The following BEND6 variants were observed in gnomAD, a reference collection of about 807,000 sequenced individuals.
BEND6 encodes BEN domain-containing protein 6.
Under a neutral mutation model 31.8 loss-of-function variants are expected in BEND6, and 24 were observed. The ratio of observed to expected loss-of-function variants is 0.75; its 90% CI spans 0.55 to 1.06. The LOEUF is 1.06. Among genes scored for constraint, BEND6 ranks in the 50% least tolerant of loss-of-function variants. The pLI, the probability that BEND6 is intolerant of heterozygous loss-of-function variation, is 0.00. For synonymous variants in BEND6, 109 were observed against 114.6 expected (o/e 0.95, Z 0.31); for missense variants, 294 against 327.4 (o/e 0.90, Z 0.79).
At chr6:56,975,669 G>T in intron 1 of BEND6, 1 of 428,016 alleles carries the variant, frequency 2.3e-6, no homozygotes. Flanking sequence ...AAACTCAGTA[G>T]GACACACATG....
At chr6:57,025,227 T>A (rs572674421) in intron 6 of BEND6, among the ~76,000 whole-genome samples, 1 of 152,358 alleles carries the variant, frequency 6.6e-6, no homozygotes, top group South Asian at 2.1e-4. Flanking sequence ...TTTCTTGCTT[T>A]GTCTGTATGA....
At chr6:57,002,735 G>A (rs925277231) in intron 3 of BEND6, among the ~76,000 whole-genome samples, 1 of 151,954 alleles carries the variant, frequency 6.6e-6, no homozygotes, top group Non-Finnish European at 1.5e-5. Context: ...AAAGTTTATA[G>A]TACTAAACAT....
At chr6:57,004,889 A>G (rs906099481) in intron 3 of BEND6, 1 of 599,394 alleles carries the variant, frequency 1.7e-6, no homozygotes, top group African/African-American at 1.8e-5. Context: ...GGCATGTGCC[A>G]GTAGTCCCAG....
intron 4 of BEND6, among the ~76,000 whole-genome samples, chr6:57,015,579 T>A (rs924585008): frequency 5.4e-4 from 81 of 150,928 alleles, no homozygotes; most frequent in Non-Finnish European, 9.6e-4. Context: ...GGCGGGCAGA[T>A]CATGAGGTCA....
intron 1 of BEND6, among the ~76,000 whole-genome samples, chr6:56,979,286 A>G (rs140914054): frequency 7.0e-4 from 106 of 152,336 alleles, no homozygotes; most frequent in African/African-American, 2.3e-3. Context: ...AGAAATTAAT[A>G]TGCTCAACTA....
chr6:56,999,957 G>T (rs1273987089), intron 3 of BEND6, among the ~76,000 whole-genome samples: 8 of 150,588 alleles, frequency 5.3e-5, no homozygotes, highest in Non-Finnish European at 1.2e-4. Context: ...CCGTCTGGGA[G>T]GTGAGGAGCG....
chr6:56,995,524 T>C (rs1826673446), intron 3 of BEND6, among the ~76,000 whole-genome samples: 1 of 152,176 alleles, frequency 6.6e-6, no homozygotes, highest in Admixed American at 6.5e-5. Context: ...GAGTTTGGAA[T>C]TACAAAATCA....
At chr6:56,961,641 CT>C (rs1825289353) in intron 1 of BEND6, among the ~76,000 whole-genome samples, 1 of 152,214 alleles carries the variant, frequency 6.6e-6, no homozygotes, top group Admixed American at 6.5e-5. Flanking sequence ...AAAAGGTAGT[CT>C]TGGGTTCACA....
At chr6:57,013,377 C>T (rs1390552861) in intron 3 of BEND6, among the ~76,000 whole-genome samples, 5 of 152,204 alleles carry the variant, frequency 3.3e-5, no homozygotes, top group African/African-American at 1.2e-4. Context: ...ATGCCCATAG[C>T]ATCTATATGT....
intron 3 of BEND6, among the ~76,000 whole-genome samples, chr6:57,001,338 A>G (rs1314800796): frequency 6.6e-6 from 1 of 151,826 alleles, no homozygotes; most frequent in African/African-American, 2.4e-5. Context: ...CAATTTTTCT[A>G]TTTTTTGAAA....
intron 1 of BEND6, among the ~76,000 whole-genome samples, chr6:56,980,158 C>G (rs1163361318): frequency 6.6e-6 from 1 of 152,132 alleles, no homozygotes; most frequent in African/African-American, 2.4e-5. Context: ...TTTGCCTATG[C>G]CTCTTGATTG....
intron 1 of BEND6, chr6:56,975,600 C>T: frequency 3.0e-6 from 1 of 329,836 alleles, no homozygotes. Context: ...TTCTCGAAAG[C>T]ACTCTAGCCC....
At chr6:57,000,250 A>ATTC in intron 3 of BEND6, among the ~76,000 whole-genome samples, 1 of 152,350 alleles carries the variant, frequency 6.6e-6, no homozygotes, top group African/African-American at 2.4e-5. Flanking sequence ...ACTAAGAAAA[A>ATTC]TTCTGCCTTG....
intron 1 of BEND6, among the ~76,000 whole-genome samples, chr6:56,967,714 A>G (rs1825535920): frequency 1.3e-5 from 2 of 152,214 alleles, no homozygotes; most frequent in African/African-American, 4.8e-5. Context: ...GGGCAAACTT[A>G]GGCAAGGAGG....
intron 3 of BEND6, among the ~76,000 whole-genome samples, chr6:56,999,062 G>A (rs1234475481): frequency 6.6e-6 from 1 of 152,102 alleles, no homozygotes; most frequent in Non-Finnish European, 1.5e-5. Context: ...ACCCAGGCAG[G>A]TGTCCAGGCA....
chr6:57,007,027 C>CGTAA (rs1213271681), intron 3 of BEND6, among the ~76,000 whole-genome samples: 1 of 152,164 alleles, frequency 6.6e-6, no homozygotes, highest in Non-Finnish European at 1.5e-5. Context: ...CGGTGACTTA[C>CGTAA]ACCTGTAATC....
intron 1 of BEND6, among the ~76,000 whole-genome samples, chr6:56,981,422 C>T (rs1294405778): frequency 6.6e-6 from 1 of 152,072 alleles, no homozygotes; most frequent in Admixed American, 6.6e-5. Flanking sequence ...GTTTCGTAGA[C>T]TCCTCATAAT....
chr6:57,018,523 A>G lies in BEND6; in HGVS notation c.815A>G (p.Asn272Ser), dbSNP rs1827639465. The G allele has an allele frequency of 1.9e-6, 3 of 1,572,726 alleles. No individual in the cohort carries two copies. Among genetic ancestry groups the G allele is most frequent in the South Asian group, 1.2e-5 (1 of 82,600 alleles). The change falls in exon 6 of 7, where the codon AAT (asparagine) becomes AGT (serine). Residue 272 changes from asparagine to serine, a missense_variant. Asn to Ser is a conservative substitution (Grantham distance 46). Coordinates refer to ENST00000370746, the MANE Select transcript of BEND6 (RefSeq NM_152731.3). The stretch of plus-strand genomic sequence containing the variant: ...ACCAAGAAGCCAAATTTAAGCAAAA[A>G]TCTTAACTCTCAGGATATTAAATAG... Reference protein sequence around the residue: ...NCTKKPNLSKNLNSQDIK With the variant: ...NCTKKPNLSKSLNSQDIK
intron 3 of BEND6, among the ~76,000 whole-genome samples, chr6:57,011,374 C>G (rs2127886360): frequency 6.6e-6 from 1 of 152,238 alleles, no homozygotes; most frequent in East Asian, 1.9e-4. Flanking sequence ...ATAGCATTGA[C>G]ATGATCAGAG....
Sources: gnomAD v4.1 joint callset for allele counts (sites outside exome capture counted in the v4.1 genomes callset) on GRCh38, gnomAD v4.1.1 for gene constraint, MANE v1.5 for transcripts, NCBI Gene and HGNC (gene_info 2026-07-23, HGNC 2026-07-21) for gene names.